Variants in CXADR observed in about 807,000 individuals in gnomAD.
CXADR encodes coxsackievirus and adenovirus receptor.
CXADR carries 20 observed loss-of-function variants against 40.3 expected under a neutral mutation model. The ratio of observed to expected loss-of-function variants is 0.50; its 90% CI spans 0.35 to 0.72. CXADR has a LOEUF of 0.72. Among genes scored for constraint, CXADR ranks in the 30% least tolerant of loss-of-function variants. The pLI is 0.01. For missense variants in CXADR, 332 were observed against 449.1 expected, an observed-to-expected ratio of 0.74 and a Z score of 2.36; for synonymous variants, 150 against 161.3, an observed-to-expected ratio of 0.93 and a Z score of 0.53.
chr21:17,597,164 T>C (rs980494301), downstream of CXADR, among the ~76,000 whole-genome samples: 1 of 152,056 alleles, frequency 6.6e-6, no homozygotes, highest in African/African-American at 2.4e-5. Context: ...GTTATCCTAA[T>C]AGTCTTTCAA....
Position 17,565,514 on chromosome 21 carries a change from C to G in CXADR, c.920C>G (p.Pro307Arg). 1 of 1,613,926 alleles carries G rather than the reference C, an allele frequency of 6.2e-7. No homozygotes were observed. Among genetic ancestry groups the G allele is most frequent in the Non-Finnish European group, 8.5e-7 (1 of 1,179,848 alleles). Residue 307 changes from proline (P) to arginine (R), a missense_variant, in exon 7 of 7, where the codon CCT (proline) becomes CGT (arginine). Physicochemically the swap from Pro to Arg is moderately radical, Grantham distance 103 (BLOSUM62 -2). Coordinates refer to ENST00000284878, the MANE Select transcript of CXADR (RefSeq NM_001338.5). ...CATTCATCCCTGGGGTCCATGTCTC[C>G]TTCCAACATGGAAGGATATTCCAAG... ...SNHSSLGSMS[P>R]SNMEGYSKTQ...
the CXADR span, chr21:17,609,237 G>T: frequency 1.6e-6 from 2 of 1,280,936 alleles, no homozygotes; most frequent in Non-Finnish European, 2.1e-6. Context: ...CTCCTTTACA[G>T]CTCTCCCCTT....
At chr21:17,626,668 G>A in the CXADR span, among the ~76,000 whole-genome samples, 1 of 152,272 alleles carries the variant, frequency 6.6e-6, no homozygotes, top group South Asian at 2.1e-4. Context: ...ATAATGAGTG[G>A]CACAGACAAT....
the CXADR span, among the ~76,000 whole-genome samples, chr21:17,615,061 C>A: frequency 6.6e-6 from 1 of 152,138 alleles, no homozygotes; most frequent in Non-Finnish European, 1.5e-5. Flanking sequence ...GAGACTAAAT[C>A]CCCAATGTGA....
chr21:17,574,217 T>G (rs546770389), downstream of CXADR, among the ~76,000 whole-genome samples: 5 of 152,210 alleles, frequency 3.3e-5, no homozygotes, highest in Non-Finnish European at 5.9e-5. Flanking sequence ...ACTGATTGCT[T>G]CTTCAATTTT....
At chr21:17,527,915 C>T (rs987663651) in intron 1 of CXADR, among the ~76,000 whole-genome samples, 1 of 151,804 alleles carries the variant, frequency 6.6e-6, no homozygotes, top group African/African-American at 2.4e-5. Context: ...ACATTCACCC[C>T]CTGCCCCAGC....
intron 1 of CXADR, chr21:17,518,613 T>A: frequency 6.5e-7 from 1 of 1,527,826 alleles, no homozygotes; most frequent in Non-Finnish European, 9.1e-7. Context: ...GTTTTGCTGC[T>A]TTACTGTCCA....
intron 3 of CXADR, among the ~76,000 whole-genome samples, chr21:17,556,357 G>A (rs2061035867): frequency 6.6e-6 from 1 of 152,198 alleles, no homozygotes; most frequent in South Asian, 2.1e-4. Flanking sequence ...ACCTGTGTTG[G>A]TAGAATCTTG....
intron 4 of CXADR, among the ~76,000 whole-genome samples, chr21:17,559,815 A>T (rs1357427438): frequency 6.6e-6 from 1 of 151,172 alleles, no homozygotes; most frequent in East Asian, 2.0e-4. Context: ...AGTAGCTGAG[A>T]CTACAGGCAT....
the CXADR span, among the ~76,000 whole-genome samples, chr21:17,601,788 G>C: frequency 8.5e-4 from 129 of 152,234 alleles, no homozygotes; most frequent in Non-Finnish European, 1.6e-3. Flanking sequence ...AAAATGGAAA[G>C]GCAAGAAATT....
At chr21:17,517,568 C>G (rs2060476721) in intron 1 of CXADR, among the ~76,000 whole-genome samples, 2 of 152,136 alleles carry the variant, frequency 1.3e-5, no homozygotes, top group South Asian at 4.1e-4. Flanking sequence ...TTTGTACCTG[C>G]TATTAAGAAC....
the CXADR span, among the ~76,000 whole-genome samples, chr21:17,635,034 T>C: frequency 1.3e-5 from 2 of 152,236 alleles, no homozygotes; most frequent in African/African-American, 4.8e-5. Flanking sequence ...TTATAAGGAA[T>C]TGGATTCTAT....
intron 4 of CXADR, among the ~76,000 whole-genome samples, chr21:17,560,235 C>A (rs1401877671): frequency 6.6e-6 from 1 of 152,176 alleles, no homozygotes; most frequent in Non-Finnish European, 1.5e-5. Context: ...GCATCCTGGT[C>A]TTTAGTAGGT....
At position 17,544,332 on chromosome 21, in the gene CXADR, A is replaced by G. The variant is rs78534775; in HGVS notation, c.44-2695A>G. On this transcript the variant is annotated intron_variant, in intron 1 of 6. Transcript: ENST00000284878. ...TATCATTTTAAATAGAAACATGGGC[A>G]TGAAATGGAGGCCAGAGTAGTTGGA... Among the ~76,000 whole-genome samples the G allele has an allele frequency of 5.9e-5, 9 of 152,348 alleles. No homozygotes were observed. The South Asian group carries it at 1.0e-3, about 18-fold the overall frequency.
intron 2 of CXADR, among the ~76,000 whole-genome samples, chr21:17,549,487 G>C (rs755272379): frequency 6.6e-6 from 1 of 152,176 alleles, no homozygotes; most frequent in Non-Finnish European, 1.5e-5. Flanking sequence ...AAATGGATCT[G>C]GTCTGCATCT....
intron 1 of CXADR, among the ~76,000 whole-genome samples, chr21:17,539,043 C>A (rs1436987759): frequency 6.6e-6 from 1 of 152,128 alleles, no homozygotes; most frequent in African/African-American, 2.4e-5. Flanking sequence ...ACCCTGCTGC[C>A]TTTCATTTTG....
chr21:17,524,664 G>A (rs2060576271), intron 1 of CXADR, among the ~76,000 whole-genome samples: 1 of 151,648 alleles, frequency 6.6e-6, no homozygotes, highest in Admixed American at 6.6e-5. Flanking sequence ...GAAGGCTGAG[G>A]TGGGAGAATC....
the CXADR span, chr21:17,598,676 T>G: frequency 6.2e-7 from 1 of 1,613,998 alleles, no homozygotes; most frequent in Non-Finnish European, 8.5e-7. Flanking sequence ...ATTTCCTTAC[T>G]TGTTTCTTCA....
At chr21:17,518,034 A>G (rs1370788937) in intron 1 of CXADR, among the ~76,000 whole-genome samples, 1 of 152,228 alleles carries the variant, frequency 6.6e-6, no homozygotes, top group East Asian at 1.9e-4. Flanking sequence ...AAGCAGATTA[A>G]AATCAAACCA....
Sources: gnomAD v4.1 joint callset for allele counts (sites outside exome capture counted in the v4.1 genomes callset) on GRCh38, gnomAD v4.1.1 for gene constraint, MANE v1.5 for transcripts, NCBI Gene and HGNC (gene_info 2026-07-23, HGNC 2026-07-21) for gene names.